Variants in AFF4 observed in about 807,000 individuals in gnomAD.
The protein encoded by AFF4 is ALF transcription elongation factor 4.
Under a neutral mutation model 124.8 loss-of-function variants are expected in AFF4, and 13 were observed. That is an observed-to-expected ratio of 0.10 (90% CI 0.07 to 0.17). The LOEUF is 0.17. AFF4 is among the 10% of genes least tolerant of loss of function. AFF4 has a pLI of 1.00. For missense variants in AFF4, 1,092 were observed against 1,403.8 expected, an observed-to-expected ratio of 0.78 and a Z score of 3.55; for synonymous variants, 477 against 496.1, an observed-to-expected ratio of 0.96 and a Z score of 0.51.
chr5:132,891,971 C>T, intron 13 of AFF4, 193 bp downstream of exon 13: 1 of 834,736 alleles, frequency 1.2e-6, no homozygotes, highest in Non-Finnish European at 1.8e-6. Context: ...ATGTATGTGA[C>T]CAGCTGACTT....
chr5:132,880,889 G>T lies in AFF4; in HGVS notation c.*170C>A. The T allele has an allele frequency of 1.5e-6, 1 of 672,296 alleles. No individual in the cohort carries two copies. Among genetic ancestry groups the T allele is most frequent in the Non-Finnish European group, 2.3e-6 (1 of 439,158 alleles). The allele number at this position is 672,296 out of a possible 1,614,324, so 41.6% of individuals were successfully genotyped here. ...TCTTTCACATTGGAAATATTAAAGG[G>T]CCAACTGACATGATCGCTTTGGATT... On this transcript the variant is annotated 3_prime_UTR_variant, in exon 21 of 21. Transcript: ENST00000265343.
rs115915229 is a variant in AFF4 at position 132,916,529 on chromosome 5, T to C, written c.1050+10592A>G. ...GCTTGTACATCTTCCTATCCCATAA[T>C]TTCACCTAGCATTCTTTGACAAATC... is the stretch of plus-strand genomic sequence containing the variant. On this transcript the variant is annotated intron_variant, in intron 5 of 20. Transcript: ENST00000265343. 4.2e-3 allele frequency among the ~76,000 whole-genome samples: 635 copies of C among 152,250 alleles called. 1 individual carries two copies. Among genetic ancestry groups the C allele is most frequent in the African/African-American group, 0.015 (611 of 41,546 alleles).
At chr5:132,946,191 A>C (rs185245389) in intron 1 of AFF4, among the ~76,000 whole-genome samples, 38 of 152,346 alleles carry the variant, frequency 2.5e-4, no homozygotes, top group African/African-American at 8.2e-4. Flanking sequence ...GGATGCAGAC[A>C]AATTGTAACC....
At chr5:132,952,011 G>C (rs547598208) in intron 1 of AFF4, among the ~76,000 whole-genome samples, 1 of 152,192 alleles carries the variant, frequency 6.6e-6, no homozygotes, top group African/African-American at 2.4e-5. Flanking sequence ...TATCCACACA[G>C]TTTACTTATC....
intron 20 of AFF4, among the ~76,000 whole-genome samples, chr5:132,881,478 T>C (rs182862903): frequency 6.6e-6 from 1 of 152,348 alleles, no homozygotes; most frequent in Admixed American, 6.5e-5. Context: ...GTAGATATTA[T>C]TAAAATGAAG....
intron 5 of AFF4, among the ~76,000 whole-genome samples, chr5:132,919,919 T>C (rs1761004042): frequency 6.6e-6 from 1 of 151,446 alleles, no homozygotes; most frequent in Non-Finnish European, 1.5e-5. Context: ...GGAGGTGGGA[T>C]GGTCACCTGA....
intron 1 of AFF4, among the ~76,000 whole-genome samples, chr5:132,959,822 T>C (rs919675144): frequency 7.4e-6 from 1 of 135,000 alleles, no homozygotes; most frequent in Admixed American, 8.7e-5. Context: ...TGGAGTGCAG[T>C]GGTGCGATCT....
At chr5:132,926,221 G>C (rs1761167607) in intron 5 of AFF4, 2 of 487,760 alleles carry the variant, frequency 4.1e-6, no homozygotes, top group South Asian at 3.1e-5. Context: ...AGGTACTTAG[G>C]AAAGGAGCTC....
chr5:132,888,977 T>G, intron 14 of AFF4, 102 bp downstream of exon 14: 24 of 1,114,182 alleles, frequency 2.2e-5, no homozygotes, highest in South Asian at 2.7e-5. Flanking sequence ...ATTACAAGCG[T>G]GAGCCACCGC....
chr5:132,941,299 G>C (rs1474661347), intron 1 of AFF4, among the ~76,000 whole-genome samples: 1 of 151,980 alleles, frequency 6.6e-6, no homozygotes, highest in Admixed American at 6.6e-5. Context: ...ATAGCTATGA[G>C]AATACAGGAA....
chr5:132,898,629 G>A (rs1019379468), intron 9 of AFF4, among the ~76,000 whole-genome samples: 5 of 151,938 alleles, frequency 3.3e-5, no homozygotes, highest in African/African-American at 9.7e-5. Context: ...GACTACAGGC[G>A]TCCACCACCA....
At chr5:132,882,873 AT>A (rs68152424) in intron 20 of AFF4, among the ~76,000 whole-genome samples, 20 of 150,084 alleles carry the variant, frequency 1.3e-4, no homozygotes, top group African/African-American at 1.7e-4. Context: ...AAAAAAAAAA[AT>A]TTCTATTCAT....
intron 1 of AFF4, 82 bp from the exon 2 acceptor site, chr5:132,937,275 C>T (rs1761454380): frequency 7.0e-7 from 1 of 1,427,894 alleles, no homozygotes; most frequent in East Asian, 2.6e-5. Context: ...CAGCTTAACA[C>T]TTCAATCACA....
rs34997571 is a variant in AFF4, at chr5:132,949,700, ACG to A, written c.-4-12509_-4-12508del. ...CCATGTGTACCACACACACACACAC[ACG>A]CGCGCGCGCGCGCGCCAGGCGTGAG... is the stretch of plus-strand genomic sequence containing the variant. On this transcript the variant is annotated intron_variant, in intron 1 of 20. Transcript: ENST00000265343. 3.8e-3 allele frequency among the ~76,000 whole-genome samples: 552 copies of A among 146,630 alleles called. 4 individuals carry two copies. The highest frequency in any genetic ancestry group is 0.014 in the Middle Eastern group (4 of 284).
At chr5:132,919,618 G>C (rs985341266) in intron 5 of AFF4, among the ~76,000 whole-genome samples, 2 of 152,192 alleles carry the variant, frequency 1.3e-5, no homozygotes, top group African/African-American at 4.8e-5. Context: ...GGGAGGCCAA[G>C]GCAGGTGGAT....
At chr5:132,960,082 GA>G (rs1352045576) in intron 1 of AFF4, among the ~76,000 whole-genome samples, 2 of 152,066 alleles carry the variant, frequency 1.3e-5, no homozygotes, top group Non-Finnish European at 2.9e-5. Flanking sequence ...TAAACCAAAG[GA>G]AAAAGCAGCA....
intron 4 of AFF4, among the ~76,000 whole-genome samples, chr5:132,927,752 T>G (rs953336876): frequency 1.3e-5 from 2 of 152,194 alleles, no homozygotes; most frequent in African/African-American, 2.4e-5. Flanking sequence ...TATTTCATCC[T>G]CAAAAGTCTG....
Position 132,904,394 on chromosome 5 carries a change from T to A in AFF4, c.1061A>T (p.Gln354Leu). 1 of 1,610,594 alleles carries A rather than the reference T, an allele frequency of 6.2e-7. No homozygotes were observed. The highest frequency in any genetic ancestry group is 8.5e-7 in the Non-Finnish European group (1 of 1,178,606). Residue 354 changes from glutamine to leucine, a missense_variant, in exon 6 of 21, where the codon CAG becomes CTG. Transcript: ENST00000265343. The stretch of plus-strand genomic sequence containing the variant: ...TTGTTCTCCAGTGCCAAAATTGGAC[T>A]GCTGAGACTCCTAAGAAAAAGGAAC... Reference protein sequence around the residue: ...KFPFPTKESQQSNFGTGEQKR... With the variant: ...KFPFPTKESQLSNFGTGEQKR...
chr5:132,888,197 A>C lies in AFF4; in HGVS notation c.2733-37T>G, dbSNP rs746218850. The C allele has an allele frequency of 4.0e-6, 6 of 1,487,494 alleles. No individual in the cohort carries two copies. The South Asian group carries it at 6.0e-5, about 15-fold the overall frequency. The allele number at this position is 1,487,494 out of a possible 1,614,324, so 92.1% of individuals were successfully genotyped here. ...ATTTTCATTATAAATAGAATAGTAA[A>C]TATTTTCATAATACTAGTTCATTTC... On this transcript the variant is annotated intron_variant, in intron 14 of 20. Transcript: ENST00000265343.
Sources: allele counts gnomAD v4.1 joint callset (sites outside exome capture counted in the v4.1 genomes callset), GRCh38; gene constraint gnomAD v4.1.1; transcripts MANE v1.5; gene names NCBI Gene and HGNC (gene_info 2026-07-23, HGNC 2026-07-21).